BRCA2: variants seen among roughly 807,000 people sequenced by gnomAD.
BRCA2 encodes breast cancer type 2 susceptibility protein.
Under a neutral mutation model 276.7 loss-of-function variants are expected in BRCA2, and 203 were observed. The ratio of observed to expected loss-of-function variants is 0.73; its 90% CI spans 0.65 to 0.82. The LOEUF is 0.82. Ranked by LOEUF, BRCA2 falls within the 40% of genes least tolerant of loss-of-function variation. BRCA2 has a pLI of 0.00. For missense variants in BRCA2, 3,920 were observed against 3,915.0 expected (o/e 1.00, Z -0.03); for synonymous variants, 1,289 against 1,338.4 (o/e 0.96, Z 0.81).
In BRCA2 at chr13:32,397,045, G is replaced by A. The variant is rs730881573; in HGVS notation, c.9648+1G>A. On this transcript the variant is annotated splice_donor_variant, in intron 26 of 26. Coordinates refer to ENST00000380152, the MANE Select transcript of BRCA2 (RefSeq NM_000059.4). LOFTEE classifies it high-confidence loss of function. ...TCCTGGTACAGGAAACAAGCTTCTG[G>A]TAAGTTAATGTAAACTCAAGGAATA... is the stretch of plus-strand genomic sequence containing the variant. 6.2e-7 allele frequency: 1 copy of A among 1,613,406 alleles called. No individual in the cohort carries two copies. The highest frequency in any genetic ancestry group is 8.5e-7 in the Non-Finnish European group (1 of 1,179,442).
intron 16 of BRCA2, among the ~76,000 whole-genome samples, chr13:32,360,786 T>G (rs1360082926): frequency 6.6e-6 from 1 of 152,088 alleles, no homozygotes; most frequent in Non-Finnish European, 1.5e-5. Context: ...ACCAGGGAAG[T>G]GGCAGTGGAA....
intron 13 of BRCA2, 24 bp from the exon 14 acceptor site, chr13:32,354,837 T>G: frequency 1.4e-6 from 2 of 1,453,376 alleles, no homozygotes; most frequent in Non-Finnish European, 1.9e-6. Flanking sequence ...GTCAATAAAC[T>G]TATATATTTT....
At position 32,325,307 on chromosome 13, in the gene BRCA2, C is replaced by T. The variant is rs11571611; in HGVS notation, c.425+123C>T. On this transcript the variant is annotated intron_variant, in intron 4 of 26. Transcript: ENST00000380152. ...GCTAAGAGCCTGGTAGAAGATCTTA[C>T]ATTTTTAAATAATCTTTTAGGTTGA... 1,612 of 692,674 alleles carry T rather than the reference C, an allele frequency of 2.3e-3. 21 individuals carry two copies. The African/African-American group carries it at 0.025, about 11-fold the overall frequency. The allele number at this position is 692,674 out of a possible 1,614,324, so 42.9% of individuals were successfully genotyped here.
At chr13:32,353,275 T>C (rs538788006) in intron 13 of BRCA2, among the ~76,000 whole-genome samples, 2 of 152,298 alleles carry the variant, frequency 1.3e-5, no homozygotes, top group Non-Finnish European at 2.9e-5. Context: ...TTTTCACTTA[T>C]CTCTTTGAGT....
chr13:32,340,908 G>A lies in BRCA2; in HGVS notation c.6553G>A (p.Ala2185Thr), dbSNP rs746070652. ...CATTCATGTTTTGGGAAAAGAACAG[G>A]CTTCACCTAAAAACGTAAAAATGGA... is the stretch of plus-strand genomic sequence containing the variant. Reference protein sequence around the residue: ...ENIHVLGKEQASPKNVKMEIG... With the variant: ...ENIHVLGKEQTSPKNVKMEIG... The change falls in exon 11 of 27, where the codon GCT becomes ACT. Residue 2185 changes from alanine to threonine, a missense_variant. Physicochemically the swap from Ala to Thr is moderately conservative, Grantham distance 58. Transcript: ENST00000380152. 3 of 1,609,924 alleles carry A rather than the reference G, an allele frequency of 1.9e-6. No homozygotes were observed. In the South Asian group the frequency reaches 3.3e-5, roughly 18 times the overall value.
chr13:32,353,789 C>T (rs1462673071), intron 13 of BRCA2, among the ~76,000 whole-genome samples: 1 of 152,062 alleles, frequency 6.6e-6, no homozygotes, highest in Non-Finnish European at 1.5e-5. Flanking sequence ...CTGGGGTTTT[C>T]AACAAGATAT....
chr13:32,344,584 T>C lies in BRCA2; in HGVS notation c.6868T>C (p.Leu2290=), dbSNP rs876660341. 1 of 1,565,892 alleles carries C rather than the reference T, an allele frequency of 6.4e-7. No homozygotes were observed. The highest frequency in any genetic ancestry group is 1.4e-5 in the African/African-American group (1 of 73,598). Residue 2290 remains leucine, a synonymous_variant, in exon 12 of 27, where the codon TTA becomes CTA. Transcript: ENST00000380152. ...AGAACCCTCAATCAAAAGAAACTTA[T>C]TAAATGAATTTGACAGGATAATAGA... is the stretch of plus-strand genomic sequence containing the variant. ...VGEPSIKRNL[L]NEFDRIIENQ... is the part of the protein sequence containing the mutation.
intron 8 of BRCA2, among the ~76,000 whole-genome samples, chr13:32,330,342 G>T (rs956095817): frequency 6.6e-6 from 1 of 152,190 alleles, no homozygotes. Flanking sequence ...AGATAGATTT[G>T]TTCTTACCAT....
At chr13:32,346,977 A>G in intron 13 of BRCA2, 81 bp downstream of exon 13, 2 of 1,094,812 alleles carry the variant, frequency 1.8e-6, no homozygotes, top group Non-Finnish European at 2.7e-6. Context: ...TTCTAAAAAT[A>G]ATGACACTAA....
At position 32,357,731 on chromosome 13, in the gene BRCA2, A is replaced by G. The variant is rs755288099; in HGVS notation, c.7618-11A>G. The G allele has an allele frequency of 1.2e-6, 2 of 1,607,116 alleles. No individual in the cohort carries two copies. Among genetic ancestry groups the G allele is most frequent in the South Asian group, 1.1e-5 (1 of 90,410 alleles). The stretch of plus-strand genomic sequence containing the variant: ...TTGTTTTTCTTTTTTGTGTGTGTTT[A>G]TTTTGTGTAGCTGTATACGTATGGC... On this transcript the variant is annotated splice_polypyrimidine_tract_variant and intron_variant, in intron 15 of 26. Transcript: ENST00000380152.
At position 32,379,883 on chromosome 13, in the gene BRCA2, G is replaced by A. The variant is rs368576266; in HGVS notation, c.9087G>A (p.Ala3029=). The change falls in exon 23 of 27, where the codon GCG becomes GCA. Residue 3029 remains alanine, a synonymous_variant. Transcript: ENST00000380152. ...KSERANIQLA[A]TKKTQYQQLP... ...AAAGAGCTAACATACAGTTAGCAGC[G>A]ACAAAAAAAACTCAGTATCAACAAC... 4.2e-5 allele frequency: 67 copies of A among 1,613,234 alleles called. No homozygotes were observed. In the Middle Eastern group the frequency reaches 4.9e-4, roughly 12 times the overall value.
upstream of BRCA2, chr13:32,315,493 CT>C (rs1391001218): frequency 6.6e-6 from 1 of 152,290 alleles, no homozygotes; most frequent in African/African-American, 2.4e-5. Flanking sequence ...GCGCGAGCTT[CT>C]GAAACTAGGC....
rs1213277350 is a variant in BRCA2, at chr13:32,332,902, A to G, written c.1424A>G (p.Glu475Gly). Reference protein sequence around the residue: ...VNKRDEEQHLESHTDCILAVK... With the variant: ...VNKRDEEQHLGSHTDCILAVK... Reference sequence around the variant, plus strand: ...AAGAGAGATGAAGAGCAGCATCTTGAATCTCATACAGACTGCATTCTTGCA... The same window carrying G: ...AAGAGAGATGAAGAGCAGCATCTTGGATCTCATACAGACTGCATTCTTGCA... The change falls in exon 10 of 27, where the codon GAA becomes GGA. Residue 475 changes from glutamate (E) to glycine (G), a missense_variant. Around this residue, in one of 2 missense-constraint regions of BRCA2, gnomAD observed 3,263 missense variants for 3,156.9 expected, o/e 1.03. Coordinates refer to ENST00000380152, the MANE Select transcript of BRCA2 (RefSeq NM_000059.4). 1 of 1,610,790 alleles carries G rather than the reference A, an allele frequency of 6.2e-7. No homozygotes were observed. Among genetic ancestry groups the G allele is most frequent in the South Asian group, 1.1e-5 (1 of 89,806 alleles).
Position 32,376,902 on chromosome 13 carries a change from C to T in BRCA2, c.8754+111C>T, listed in dbSNP as rs276174911. On this transcript the variant is annotated intron_variant, in intron 21 of 26. Transcript: ENST00000380152. ...GAGTATGTTGAAATGCTGCATTTCTCAAAAGGGATGTGTACATTTCTGGGA... is the reference window on the plus strand; with the variant it reads ...GAGTATGTTGAAATGCTGCATTTCTTAAAAGGGATGTGTACATTTCTGGGA... 3 of 1,445,452 alleles carry T rather than the reference C, an allele frequency of 2.1e-6. No individual in the cohort carries two copies. The highest frequency in any genetic ancestry group is 2.8e-6 in the Non-Finnish European group (3 of 1,054,872). The allele number at this position is 1,445,452 out of a possible 1,614,324, so 89.5% of individuals were successfully genotyped here.
Position 32,398,663 on chromosome 13 carries a change from C to T in BRCA2, c.10150C>T (p.Arg3384Ter), listed in dbSNP as rs397507568. The T allele has an allele frequency of 6.8e-6, 11 of 1,614,022 alleles. No homozygotes were observed. In the East Asian group the frequency reaches 1.3e-4, roughly 20 times the overall value. Residue 3384 changes from arginine (R) to a stop codon, truncating the protein, a stop_gained, in exon 27 of 27, where the codon CGA becomes TGA. Transcript: ENST00000380152. LOFTEE classifies it low-confidence loss of function (END_TRUNC). ...TTCAGAAGATTATCTCAGACTGAAACGACGTTGTACTACATCTCTGATCAA... is the reference window on the plus strand; with the variant it reads ...TTCAGAAGATTATCTCAGACTGAAATGACGTTGTACTACATCTCTGATCAA... ...TSSEDYLRLKRRCTTSLIKEQ... is the reference protein window; with the variant it reads ...TSSEDYLRLK
At chr13:32,353,795 G>C (rs1263867810) in intron 13 of BRCA2, among the ~76,000 whole-genome samples, 1 of 152,156 alleles carries the variant, frequency 6.6e-6, no homozygotes, top group African/African-American at 2.4e-5. Context: ...TTTTCAACAA[G>C]ATATCAAGTA....
chr13:32,316,344 G>T, intron 1 of BRCA2, 78 bp from the exon 2 acceptor site: 1 of 907,860 alleles, frequency 1.1e-6, no homozygotes, highest in South Asian at 1.4e-5. Flanking sequence ...AAATTTTCCA[G>T]CGCTTCTGAG....
intron 10 of BRCA2, among the ~76,000 whole-genome samples, chr13:32,333,785 TGACA>T (rs554362356): frequency 3.7e-4 from 56 of 152,258 alleles, no homozygotes; most frequent in Admixed American, 7.2e-4. Flanking sequence ...CCCCACCTCC[TGACA>T]GACCCTAGTG....
At chr13:32,329,137 T>C (rs1408472384) in intron 7 of BRCA2, among the ~76,000 whole-genome samples, 1 of 152,234 alleles carries the variant, frequency 6.6e-6, no homozygotes, top group Non-Finnish European at 1.5e-5. Context: ...CTCCAAGCTT[T>C]AGCTTTTAAG....
Sources: gnomAD v4.1 joint callset for allele counts (sites outside exome capture counted in the v4.1 genomes callset) on GRCh38, gnomAD v4.1.1 for gene constraint, gnomAD v4.1.1 regional missense constraint, MANE v1.5 for transcripts, NCBI Gene and HGNC (gene_info 2026-07-23, HGNC 2026-07-21) for gene names.